USH2A: variants seen among roughly 807,000 people sequenced by gnomAD.
The protein encoded by USH2A is usherin.
A neutral mutation model predicts 538.9 loss-of-function variants in USH2A; 443 were observed. The ratio of observed to expected loss-of-function variants is 0.82; its 90% CI spans 0.76 to 0.89. USH2A has a LOEUF of 0.89. Ranked by LOEUF, USH2A falls within the 40% of genes least tolerant of loss-of-function variation. The probability of loss-of-function intolerance (pLI) is 0.00; values close to 1 mark genes in which losing one functional copy is unlikely to be tolerated. For missense variants in USH2A, 6,633 were observed against 6,324.8 expected (o/e 1.05, Z -1.65); for synonymous variants, 2,413 against 2,273.5 (o/e 1.06, Z -1.75).
At chr1:215,955,248 C>T (rs1351867036) in intron 37 of USH2A, among the ~76,000 whole-genome samples, 1 of 152,122 alleles carries the variant, frequency 6.6e-6, no homozygotes, top group Non-Finnish European at 1.5e-5. Flanking sequence ...ATGTTGAAAG[C>T]ATAGTGATTA....
chr1:215,900,722 C>T (rs751804815), intron 39 of USH2A, 33 bp downstream of exon 39: 2 of 1,613,154 alleles, frequency 1.2e-6, no homozygotes, highest in South Asian at 2.2e-5. Context: ...TTGTATAACC[C>T]AGCTGATAGA....
chr1:216,087,566 A>G (rs2032172843), intron 23 of USH2A, among the ~76,000 whole-genome samples: 1 of 151,174 alleles, frequency 6.6e-6, no homozygotes, highest in African/African-American at 2.5e-5. Flanking sequence ...TTTGTAGACT[A>G]TTCAGACTCA....
chr1:215,680,831 G>A (rs1008712158), intron 61 of USH2A, among the ~76,000 whole-genome samples: 3 of 151,948 alleles, frequency 2.0e-5, no homozygotes, highest in Non-Finnish European at 4.4e-5. Flanking sequence ...AAATCTGTTT[G>A]TACACAAGAC....
At chr1:215,687,973 T>G (rs1406971557) in intron 61 of USH2A, among the ~76,000 whole-genome samples, 1 of 152,004 alleles carries the variant, frequency 6.6e-6, no homozygotes, top group East Asian at 1.9e-4. Context: ...CAGAGGGAGA[T>G]AGAGAGATCA....
At chr1:215,762,750 T>G (rs888855178) in intron 56 of USH2A, among the ~76,000 whole-genome samples, 4 of 152,050 alleles carry the variant, frequency 2.6e-5, no homozygotes, top group African/African-American at 4.8e-5. Flanking sequence ...GAAAAACCTA[T>G]TCTATATAAT....
rs147999716 is a variant in USH2A, at chr1:216,106,566, C to T, written c.4628-9353G>A. Among the ~76,000 whole-genome samples the T allele has an allele frequency of 2.7e-3, 408 of 151,088 alleles. 1 individual carries two copies. The highest frequency in any genetic ancestry group is 4.4e-3 in the Non-Finnish European group (298 of 67,592). ...TCTCTCTTCCTCTCCTTTTCTCTCT[C>T]CCCCCTCCTTCTCTCCCCTTACCAC... On this transcript the variant is annotated intron_variant, in intron 21 of 71. Transcript: ENST00000307340.
intron 29 of USH2A, 84 bp from the exon 30 acceptor site, chr1:216,070,376 G>A: frequency 1.6e-6 from 2 of 1,277,278 alleles, no homozygotes; most frequent in Non-Finnish European, 1.1e-6. Context: ...AATGGCCGCA[G>A]TAAATCAGAC....
chr1:215,628,413 G>A (rs1656138421), intron 71 of USH2A, among the ~76,000 whole-genome samples: 1 of 152,010 alleles, frequency 6.6e-6, no homozygotes, highest in Admixed American at 6.6e-5. Context: ...CCCCCTAGTA[G>A]CTGGGATTAC....
chr1:215,926,614 C>CTTTTTTTTTTTTTTT (rs10673615), intron 38 of USH2A, among the ~76,000 whole-genome samples: 1 of 75,846 alleles, frequency 1.3e-5, no homozygotes, highest in Non-Finnish European at 2.3e-5. Flanking sequence ...ACCTACCTAT[C>CTTTTTTTTTTTTTTT]TTTTTTTTTT....
chr1:216,373,942 T>C (rs543896256), intron 3 of USH2A, among the ~76,000 whole-genome samples: 1 of 152,188 alleles, frequency 6.6e-6, no homozygotes, highest in Non-Finnish European at 1.5e-5. Context: ...GATGAGTTCA[T>C]GTCCTTTGTA....
chr1:216,378,696 C>T (rs534779718), intron 3 of USH2A, among the ~76,000 whole-genome samples: 31 of 151,758 alleles, frequency 2.0e-4, no homozygotes, highest in African/African-American at 7.5e-4. Context: ...TTTTTCTTCC[C>T]TCACCCACCC....
intron 11 of USH2A, among the ~76,000 whole-genome samples, chr1:216,284,953 A>G (rs1300194227): frequency 1.3e-5 from 2 of 152,190 alleles, no homozygotes; most frequent in Non-Finnish European, 2.9e-5. Flanking sequence ...AACTTGAAAG[A>G]GATGATTTAG....
chr1:215,730,726 CA>C (rs1659971707), intron 60 of USH2A, among the ~76,000 whole-genome samples: 1 of 152,186 alleles, frequency 6.6e-6, no homozygotes, highest in Admixed American at 6.5e-5. Context: ...TGAGCAATGA[CA>C]AGCTTCATGC....
chr1:216,046,909 T>C (rs1187192975), intron 31 of USH2A, among the ~76,000 whole-genome samples: 6 of 152,152 alleles, frequency 3.9e-5, no homozygotes, highest in Admixed American at 1.3e-4. Context: ...ATTAAGCAGA[T>C]AGAGTCCCCT....
At chr1:215,816,283 G>C (rs554345589) in intron 48 of USH2A, among the ~76,000 whole-genome samples, 5 of 152,122 alleles carry the variant, frequency 3.3e-5, no homozygotes, top group Non-Finnish European at 5.9e-5. Flanking sequence ...GTTAGTAACT[G>C]CTGGCTTTAT....
intron 61 of USH2A, among the ~76,000 whole-genome samples, chr1:215,721,952 C>G (rs1481964919): frequency 1.3e-5 from 2 of 151,862 alleles, no homozygotes; most frequent in Non-Finnish European, 2.9e-5. Flanking sequence ...ATAGTCCCAG[C>G]TACTTGGGAG....
chr1:215,781,449 G>A (rs911287630), intron 54 of USH2A, among the ~76,000 whole-genome samples: 6 of 152,058 alleles, frequency 3.9e-5, no homozygotes, highest in Non-Finnish European at 5.9e-5. Context: ...GACAATATCC[G>A]TGACTCTTTC....
intron 38 of USH2A, among the ~76,000 whole-genome samples, chr1:215,912,479 A>ATATATATATGTGTGTATATATATATG (rs1558157904): frequency 3.1e-5 from 1 of 31,766 alleles, no homozygotes; most frequent in Non-Finnish European, 5.6e-5. Context: ...ATATATACGT[A>ATATATATATGTGTGTATATATATATG]TATATATATA....
chr1:216,259,308 A>C (rs2036320478), intron 11 of USH2A, among the ~76,000 whole-genome samples: 1 of 152,144 alleles, frequency 6.6e-6, no homozygotes, highest in Non-Finnish European at 1.5e-5. Context: ...GGAAGGGAAA[A>C]AAAGATGTGT....
Sources: gnomAD v4.1 joint callset for allele counts (sites outside exome capture counted in the v4.1 genomes callset) on GRCh38, gnomAD v4.1.1 for gene constraint, MANE v1.5 for transcripts, NCBI Gene and HGNC (gene_info 2026-07-23, HGNC 2026-07-21) for gene names.